Variants in RGPD1 observed in about 807,000 individuals in gnomAD.
The protein encoded by RGPD1 is RANBP2 like and GRIP domain containing 1, also known as RANBP2-like and GRIP domain-containing protein 1.
A neutral mutation model predicts 40.6 loss-of-function variants in RGPD1; 7 were observed. The ratio of observed to expected loss-of-function variants is 0.17; its 90% CI spans 0.10 to 0.32. RGPD1 has a LOEUF of 0.32. RGPD1 is among the 10% of genes least tolerant of loss of function. RGPD1 has a pLI of 1.00. For synonymous variants in RGPD1, 24 were observed against 167.0 expected, an observed-to-expected ratio of 0.14 and a Z score of 6.60; for missense variants, 50 against 472.5, an observed-to-expected ratio of 0.11 and a Z score of 8.29.
chr2:87,009,300 G>T (rs1238743262), intron 22 of RGPD1, among the ~76,000 whole-genome samples: 4 of 3,868 alleles, frequency 1.0e-3, no homozygotes, highest in South Asian at 0.011. Flanking sequence ...GCAAGACTCT[G>T]TCTCAAAAAA....
intron 1 of RGPD1, chr2:86,930,216 A>G: frequency 6.9e-7 from 1 of 1,443,308 alleles, no homozygotes; most frequent in Non-Finnish European, 9.5e-7. Context: ...GGGAGGAAAC[A>G]CCTTCCACAT....
chr2:86,940,819 G>A (rs935821070), upstream of RGPD1, among the ~76,000 whole-genome samples: 23 of 150,722 alleles, frequency 1.5e-4, no homozygotes, highest in Non-Finnish European at 2.8e-4. Context: ...CACATGGATA[G>A]ATAAATGGTA....
At chr2:86,936,497 C>CT (rs1441164059) in intron 1 of RGPD1, among the ~76,000 whole-genome samples, 1 of 34,322 alleles carries the variant, frequency 2.9e-5, no homozygotes, top group Non-Finnish European at 5.4e-5. Flanking sequence ...CACTAAGTTC[C>CT]TTTTTTTGAG....
In RGPD1 at chr2:86,914,971, C is replaced by T. The variant is rs151053816; in HGVS notation, c.72+1050C>T. Among the ~76,000 whole-genome samples the T allele has an allele frequency of 1.2e-4, 18 of 145,602 alleles. 2 individuals carry two copies. The East Asian group carries it at 3.7e-3, about 30-fold the overall frequency. ...GGCGGCGGCCTGGCCTAAGGTACTT[C>T]TGTTGGGGAATATTGTGCAGTATAA... On this transcript the variant is annotated intron_variant, in intron 1 of 22. Coordinates refer to the RGPD1 transcript ENST00000398193.
chr2:86,942,501 C>T lies in RGPD1; in HGVS notation c.72+193C>T, dbSNP rs1033238668. 2.7e-3 allele frequency among the ~76,000 whole-genome samples: 369 copies of T among 134,522 alleles called. 6 individuals are homozygous for T. The highest frequency in any genetic ancestry group is 4.8e-3 in the Admixed American group (67 of 13,882). 88.3% of individuals were successfully genotyped at this position (134,522 alleles called of 152,430 possible). A position where few individuals can be genotyped will look rare whatever the true frequency, so the allele number is the denominator to read the frequency against. ...CCTGGCCGGGCGGCGGCGGCGGCCT[C>T]GACCTGGCCGGGCGGCGGCGGCGGC... On this transcript the variant is annotated intron_variant, in intron 1 of 22. Transcript: ENST00000641458.
At chr2:86,914,218 G>C (rs1677620489) in intron 1 of RGPD1, among the ~76,000 whole-genome samples, 6 of 101,780 alleles carry the variant, frequency 5.9e-5, no homozygotes, top group African/African-American at 1.9e-4. Context: ...GGGCGGCGGC[G>C]GCGGCCTCGG....
intron 1 of RGPD1, among the ~76,000 whole-genome samples, chr2:86,914,171 G>GGCCTCC (rs1205640874): frequency 2.5e-5 from 2 of 78,462 alleles, no homozygotes; most frequent in African/African-American, 9.6e-5. Context: ...CCTCGGCCTC[G>GGCCTCC]GCCTGGCCGG....
chr2:86,923,033 CTTTTTTTTTT>C (rs1196456916), intron 1 of RGPD1, among the ~76,000 whole-genome samples: 4 of 54,484 alleles, frequency 7.3e-5, no homozygotes, highest in African/African-American at 3.3e-4. Context: ...TGGTATATTC[CTTTTTTTTTT>C]TTTTTTTTTT....
rs1200900008 is a variant in RGPD1 at position 86,914,025 on chromosome 2, GGC to G, written c.72+106_72+107del. ...CTCGGCCTCGGCCTGGCCGGGCGGC[GGC>G]GGCGGCGGCGGCGGCGGCGGCGGCG... On this transcript the variant is annotated intron_variant, in intron 1 of 22. Transcript: ENST00000398193. The G allele has an allele frequency of 1.8e-3, 18 of 10,242 alleles. 2 individuals are homozygous for G. The highest frequency in any genetic ancestry group is 2.3e-3 in the Admixed American group (1 of 444). The allele number at this position is 10,242 out of a possible 1,614,324, so 0.6% of individuals were successfully genotyped here.
At chr2:86,943,656 G>T (rs1680096057) in intron 1 of RGPD1, among the ~76,000 whole-genome samples, 2 of 152,122 alleles carry the variant, frequency 1.3e-5, no homozygotes, top group African/African-American at 4.8e-5. Context: ...AAACATTTAG[G>T]GTATTGCTTG....
intron 1 of RGPD1, among the ~76,000 whole-genome samples, chr2:86,942,526 CCTCGACCT>C (rs1679920026): frequency 7.6e-6 from 1 of 132,064 alleles, no homozygotes; most frequent in African/African-American, 2.7e-5. Context: ...GCGGCGGCGG[CCTCGACCT>C]GGCCGGGCGG....
intron 1 of RGPD1, among the ~76,000 whole-genome samples, chr2:86,944,987 A>G (rs1186376895): frequency 1.3e-5 from 2 of 150,688 alleles, no homozygotes; most frequent in East Asian, 3.9e-4. Flanking sequence ...AAGTGCTGAG[A>G]TTACAGGTGT....
chr2:87,007,614 G>T (rs1429106119), intron 22 of RGPD1, among the ~76,000 whole-genome samples: 2 of 152,120 alleles, frequency 1.3e-5, no homozygotes, highest in African/African-American at 4.8e-5. Flanking sequence ...TCTGGCCTCA[G>T]GTGATCCAGC....
Position 86,942,256 on chromosome 2 carries a change from A to C in RGPD1, c.20A>C (p.Tyr7Ser). 6.2e-7 allele frequency: 1 copy of C among 1,607,012 alleles called. No homozygotes were observed. Residue 7 changes from tyrosine (Y) to serine (S), a missense_variant, in exon 1 of 23, where the codon TAC becomes TCC. Physicochemically the swap from Tyr to Ser is moderately radical, Grantham distance 144 (BLOSUM62 -2). Coordinates refer to ENST00000641458, the MANE Select transcript of RGPD1 (RefSeq NM_001382344.1). Reference protein sequence around the residue: MRRSKAYGERYVASVQG... With the variant: MRRSKASGERYVASVQG... ...GGTGCGATGAGGCGCAGCAAGGCCT[A>C]CGGGGAGCGGTACGTCGCCTCGGTG...
intron 1 of RGPD1, among the ~76,000 whole-genome samples, chr2:86,942,584 G>C (rs1342722321): frequency 3.2e-5 from 3 of 93,800 alleles, no homozygotes; most frequent in Admixed American, 1.1e-4. Context: ...GGCCTCGATG[G>C]CTCAGGCGTC....
At chr2:86,928,317 A>G (rs1200258411) in intron 1 of RGPD1, among the ~76,000 whole-genome samples, 3 of 152,164 alleles carry the variant, frequency 2.0e-5, no homozygotes, top group Admixed American at 6.5e-5. Flanking sequence ...GATTGAGGAA[A>G]ACACAAGGGA....
chr2:86,942,483 G>GGGCGGCGGC (rs1368045303), intron 1 of RGPD1, among the ~76,000 whole-genome samples, 175 bp downstream of exon 1: 5 of 121,992 alleles, frequency 4.1e-5, no homozygotes, highest in African/African-American at 1.6e-4. Flanking sequence ...CGACCTGGCC[G>GGGCGGCGGC]GGCGGCGGCG....
intron 1 of RGPD1, among the ~76,000 whole-genome samples, chr2:86,923,412 A>T (rs865842936): frequency 2.7e-4 from 41 of 151,652 alleles, no homozygotes; most frequent in South Asian, 6.2e-4. Flanking sequence ...AATGAAATAC[A>T]TCTTGAGTTT....
At position 86,942,299 on chromosome 2, in the gene RGPD1, G is replaced by A. The variant is rs957779606; in HGVS notation, c.63G>A (p.Ser21=). 1.4e-5 allele frequency: 23 copies of A among 1,591,990 alleles called. No homozygotes were observed. The highest frequency in any genetic ancestry group is 2.3e-5 in the East Asian group (1 of 43,652). ...CCTCGGTGCAGGGCTCCGCCCCGTC[G>A]CCTGGAAAGGTGAGTGGATCTCGAA... is the stretch of plus-strand genomic sequence containing the variant. ...YVASVQGSAP[S]PGKKLRGFYF... is the part of the protein sequence containing the mutation. The change falls in exon 1 of 23, where the codon TCG becomes TCA. Residue 21 remains serine (S), a synonymous_variant. Coordinates refer to ENST00000641458, the MANE Select transcript of RGPD1 (RefSeq NM_001382344.1).
Sources: gnomAD v4.1 joint callset for allele counts (sites outside exome capture counted in the v4.1 genomes callset) on GRCh38, gnomAD v4.1.1 for gene constraint, MANE v1.5 for transcripts, NCBI Gene and HGNC (gene_info 2026-07-23, HGNC 2026-07-21) for gene names.